Variants in ARID4A observed in about 807,000 individuals in gnomAD.
ARID4A encodes the protein AT-rich interactive domain-containing protein 4A.
Under a neutral mutation model 148.6 loss-of-function variants are expected in ARID4A, and 39 were observed. The observed-to-expected ratio is 0.26, with a 90% CI of 0.20 to 0.34. ARID4A has a LOEUF of 0.34. Among genes scored for constraint, ARID4A ranks in the 10% least tolerant of loss-of-function variants. The pLI is 1.00. For synonymous variants in ARID4A, 475 were observed against 481.2 expected (o/e 0.99, Z 0.17); for missense variants, 1,265 against 1,449.1 (o/e 0.87, Z 2.06).
rs182702778 is a variant in ARID4A at position 58,308,537 on chromosome 14, A to G, written c.274+2425A>G. On this transcript the variant is annotated intron_variant, in intron 5 of 23. Transcript: ENST00000355431. ...AAAAGATTTTGAAAGGCACTGTTCC[A>G]TTCAGAAAACTCAAGATAGCACTGC... 2.6e-5 allele frequency among the ~76,000 whole-genome samples: 4 copies of G among 152,378 alleles called. No homozygotes were observed. In the East Asian group the frequency reaches 5.8e-4, roughly 22 times the overall value.
chr14:58,364,179 C>A lies in ARID4A; in HGVS notation c.2090C>A (p.Ser697Ter). 2 of 1,383,884 alleles carry A rather than the reference C, an allele frequency of 1.4e-6. No homozygotes were observed. The highest frequency in any genetic ancestry group is 3.5e-5 in the South Asian group (2 of 57,792). The allele number at this position is 1,383,884 out of a possible 1,614,324, so 85.7% of individuals were successfully genotyped here. A position where few individuals can be genotyped will look rare whatever the true frequency, so the allele number is the denominator to read the frequency against. ...ATATTTCCTCTTACAGACTCTTGTT[C>A]ATCTGATAGTGAAACAGAAGATGCT... ...ANSEGKSDSC[S>*]SDSETEDALE... The change falls in exon 20 of 24, where the codon TCA becomes TAA. Residue 697 changes from serine (S) to a stop codon, truncating the protein, a stop_gained. Coordinates refer to ENST00000355431, the MANE Select transcript of ARID4A (RefSeq NM_002892.4). LOFTEE classifies it high-confidence loss of function.
Position 58,369,484 on chromosome 14 carries a change from C to T in ARID4A, c.3671-2402C>T, listed in dbSNP as rs112209644. 8.1e-3 allele frequency among the ~76,000 whole-genome samples: 1,221 copies of T among 151,626 alleles called. 23 individuals carry two copies. Among genetic ancestry groups the T allele is most frequent in the African/African-American group, 0.028 (1,139 of 41,364 alleles). On this transcript the variant is annotated intron_variant, in intron 23 of 23. Transcript: ENST00000355431. ...CTACTAAAACTACAAAAGTCAGCTG[C>T]GCATGGTGGCAGATGCCTGTAATCC...
At chr14:58,311,984 A>T (rs1368816046) in intron 5 of ARID4A, among the ~76,000 whole-genome samples, 1 of 152,152 alleles carries the variant, frequency 6.6e-6, no homozygotes, top group Non-Finnish European at 1.5e-5. Flanking sequence ...ACAAAATTTC[A>T]GTTAGAAGGA....
chr14:58,304,309 G>A (rs1001677817), intron 3 of ARID4A, among the ~76,000 whole-genome samples: 13 of 151,998 alleles, frequency 8.6e-5, no homozygotes, highest in Admixed American at 7.2e-4. Flanking sequence ...TGGTATTGTG[G>A]CTCTTATTTA....
intron 10 of ARID4A, 78 bp downstream of exon 10, chr14:58,329,682 C>A (rs2033411339): frequency 3.3e-6 from 4 of 1,222,456 alleles, no homozygotes; most frequent in Non-Finnish European, 4.8e-6. Context: ...AAGACTGATA[C>A]TCTCTGGTAC....
intron 12 of ARID4A, 36 bp downstream of exon 12, chr14:58,344,803 CT>C: frequency 1.4e-6 from 2 of 1,475,678 alleles, no homozygotes; most frequent in Non-Finnish European, 1.9e-6. Flanking sequence ...GTAGTCATTT[CT>C]TTTTCATGTT....
intron 11 of ARID4A, among the ~76,000 whole-genome samples, chr14:58,343,050 A>G (rs1389991284): frequency 6.6e-6 from 1 of 152,230 alleles, no homozygotes; most frequent in East Asian, 1.9e-4. Context: ...AGAAGTTCTT[A>G]AAATTAATGT....
rs181965655 is a variant in ARID4A, at chr14:58,299,842, A to G, written c.-13A>G. 240 of 1,614,160 alleles carry G rather than the reference A, an allele frequency of 1.5e-4. 1 individual carries two copies. The African/African-American group carries it at 2.8e-3, about 19-fold the overall frequency. On this transcript the variant is annotated 5_prime_UTR_variant, in exon 2 of 24. Transcript: ENST00000355431. ...AGCTCGCTGAGCTGGAACCCCACAG[A>G]TCACCAACAAAAATGAAGGTAAGTG...
intron 4 of ARID4A, 119 bp from the exon 5 acceptor site, chr14:58,305,903 G>A: frequency 1.4e-6 from 1 of 727,916 alleles, no homozygotes; most frequent in Non-Finnish European, 2.4e-6. Context: ...CTCAGACAGT[G>A]TAAGATAGAA....
chr14:58,322,980 A>AAAATAT (rs1255021613), intron 7 of ARID4A, among the ~76,000 whole-genome samples: 4 of 114,286 alleles, frequency 3.5e-5, no homozygotes, highest in South Asian at 5.6e-4. Context: ...AAAAAAAAAA[A>AAAATAT]ATATATATAT....
At position 58,366,065 on chromosome 14, in the gene ARID4A, T is replaced by A. The variant is rs1469684106; in HGVS notation, c.3358T>A (p.Ser1120Thr). The A allele has an allele frequency of 1.9e-6, 3 of 1,613,672 alleles. No homozygotes were observed. Among genetic ancestry groups the A allele is most frequent in the Non-Finnish European group, 2.5e-6 (3 of 1,179,778 alleles). ...TGAAGATCTTCCTGTCCTAGACAAT[T>A]CAAGTAAATGTACCCCAGTAAAGCA... ...DSEDLPVLDN[S>T]SKCTPVKHLN... is the part of the protein sequence containing the mutation. The change falls in exon 22 of 24, where the codon TCA becomes ACA. Residue 1120 changes from serine (S) to threonine (T), a missense_variant. By Grantham distance (58) the Ser-to-Thr change is moderately conservative (BLOSUM62 1). Around this residue, in one of 9 missense-constraint regions of ARID4A, gnomAD observed 666 missense variants for 730.9 expected, o/e 0.91. Transcript: ENST00000355431.
At chr14:58,306,221 G>A in intron 5 of ARID4A, 109 bp downstream of exon 5, 2 of 813,750 alleles carry the variant, frequency 2.5e-6, no homozygotes, top group Admixed American at 2.2e-5. Flanking sequence ...ATTATTTCCT[G>A]TCAGTTTACT....
intron 16 of ARID4A, among the ~76,000 whole-genome samples, chr14:58,352,734 A>G (rs890312347): frequency 3.8e-4 from 58 of 152,314 alleles, no homozygotes; most frequent in East Asian, 3.9e-4. Flanking sequence ...TATTTATTAC[A>G]GAGCCCAGTA....
At chr14:58,346,380 CATTTT>C (rs1474326890) in intron 12 of ARID4A, 26 bp from the exon 13 acceptor site, 1 of 1,456,678 alleles carries the variant, frequency 6.9e-7, no homozygotes, top group Non-Finnish European at 9.5e-7. Context: ...TTTGAATAAA[CATTTT>C]ATTTCTACCT....
chr14:58,341,156 G>A (rs1229381946), intron 11 of ARID4A, among the ~76,000 whole-genome samples: 1 of 152,026 alleles, frequency 6.6e-6, no homozygotes, highest in Non-Finnish European at 1.5e-5. Context: ...TCAGGCATGC[G>A]TTCTCTTCCT....
chr14:58,333,075 G>A (rs147921561), intron 11 of ARID4A, among the ~76,000 whole-genome samples: 253 of 152,158 alleles, frequency 1.7e-3, no homozygotes, highest in African/African-American at 5.8e-3. Context: ...GAATTCCTAA[G>A]TATTGGTAGT....
rs1311703552 is a variant in ARID4A at position 58,351,295 on chromosome 14, G to A, written c.1627G>A (p.Asp543Asn). 3 of 1,602,580 alleles carry A rather than the reference G, an allele frequency of 1.9e-6. No individual in the cohort carries two copies. Among genetic ancestry groups the A allele is most frequent in the Non-Finnish European group, 2.5e-6 (3 of 1,177,478 alleles). ...ACAGGAGGATTCTGACAAAGACTCA[G>A]ATGAAGAGGAAGAGAAAAGCCAAGA... ...KKQEDSDKDS[D>N]EEEEKSQERE... Residue 543 changes from aspartate (D) to asparagine (N), a missense_variant, in exon 16 of 24, where the codon GAT becomes AAT. Transcript: ENST00000355431.
chr14:58,361,687 T>C (rs1295521228), intron 19 of ARID4A, among the ~76,000 whole-genome samples: 1 of 152,162 alleles, frequency 6.6e-6, no homozygotes. Flanking sequence ...AGTCTCCACC[T>C]ACGATGCTGT....
intron 9 of ARID4A, among the ~76,000 whole-genome samples, chr14:58,328,844 T>A (rs2033359336): frequency 1.3e-5 from 2 of 151,858 alleles, no homozygotes; most frequent in East Asian, 3.9e-4. Flanking sequence ...ATATAAAAAA[T>A]TAGCCGGGTG....
Sources: allele counts gnomAD v4.1 joint callset (sites outside exome capture counted in the v4.1 genomes callset), GRCh38; gene constraint gnomAD v4.1.1; regional missense constraint gnomAD v4.1.1; transcripts MANE v1.5; gene names NCBI Gene and HGNC (gene_info 2026-07-23, HGNC 2026-07-21).